PCDHA3: variants seen among roughly 807,000 people sequenced by gnomAD.
PCDHA3 encodes protocadherin alpha 3, also known as protocadherin alpha-3.
PCDHA3 carries 41 observed loss-of-function variants against 62.2 expected under a neutral mutation model. The observed-to-expected ratio is 0.66, with a 90% CI of 0.51 to 0.86. The LOEUF (loss-of-function observed/expected upper bound fraction) is 0.86, where lower values mean the gene tolerates loss of function less well. PCDHA3 is among the 40% of genes least tolerant of loss of function. The pLI is 0.00. For missense variants in PCDHA3, 1,304 were observed against 1,241.2 expected (o/e 1.05, Z -0.76); for synonymous variants, 640 against 555.4 (o/e 1.15, Z -2.14).
At chr5:140,878,352 A>T (rs2057558583) in intron 1 of PCDHA3, among the ~76,000 whole-genome samples, 1 of 152,242 alleles carries the variant, frequency 6.6e-6, no homozygotes, top group African/African-American at 2.4e-5. Flanking sequence ...CAATAATATA[A>T]ATGATATGTC....
At position 141,010,031 on chromosome 5, in the gene PCDHA3, A is replaced by C; in HGVS notation, c.*94A>C. On this transcript the variant is annotated 3_prime_UTR_variant, in exon 4 of 4. Transcript: ENST00000522353. Reference sequence around the variant, plus strand: ...TTCCCTGCTCCTTTTTCCTATCTACATGAGCCCTCTTAGAGACCTCAGAAA... The same window carrying C: ...TTCCCTGCTCCTTTTTCCTATCTACCTGAGCCCTCTTAGAGACCTCAGAAA... 4 of 1,581,690 alleles carry C rather than the reference A, an allele frequency of 2.5e-6. No individual in the cohort carries two copies. Among genetic ancestry groups the C allele is most frequent in the South Asian group, 1.2e-5 (1 of 84,422 alleles).
chr5:140,883,905 G>C (rs781818160), intron 1 of PCDHA3: 1 of 1,613,458 alleles, frequency 6.2e-7, no homozygotes, highest in South Asian at 1.1e-5. Flanking sequence ...CCGCCTCTGG[G>C]CAGCAACGTG....
intron 1 of PCDHA3, chr5:140,883,811 G>C (rs782535066): frequency 6.2e-7 from 1 of 1,612,586 alleles, no homozygotes; most frequent in South Asian, 1.1e-5. Context: ...CGCGGAGAGC[G>C]GCAAGGTGTA....
At position 140,851,264 on chromosome 5, in the gene PCDHA3, A is replaced by G. The variant is rs1170850164; in HGVS notation, c.2394+47673A>G. The G allele has an allele frequency of 2.1e-5, 23 of 1,075,328 alleles. 1 individual carries two copies. The highest frequency in any genetic ancestry group is 4.3e-5 in the East Asian group (1 of 23,212). 66.6% of individuals were successfully genotyped at this position (1,075,328 alleles called of 1,614,324 possible). ...TAAATGATGCATAGTATTTTAGTCT[A>G]CTTGTATTGTTTATAAGAAACCCAA... On this transcript the variant is annotated intron_variant, in intron 1 of 3. Coordinates refer to ENST00000522353, the MANE Select transcript of PCDHA3 (RefSeq NM_018906.3).
chr5:140,876,708 C>T, intron 1 of PCDHA3: 7 of 1,614,220 alleles, frequency 4.3e-6, no homozygotes, highest in African/African-American at 1.3e-5. Context: ...TGGACAGCGC[C>T]CTGGACCGCG....
At chr5:140,899,431 T>C (rs1271468350) in intron 1 of PCDHA3, among the ~76,000 whole-genome samples, 2 of 152,242 alleles carry the variant, frequency 1.3e-5, no homozygotes, top group Non-Finnish European at 2.9e-5. Context: ...AGGTCTTTTC[T>C]GCATCTATTG....
chr5:140,918,901 CTT>C (rs1386679785), intron 1 of PCDHA3, among the ~76,000 whole-genome samples: 6 of 152,198 alleles, frequency 3.9e-5, no homozygotes, highest in African/African-American at 1.4e-4. Flanking sequence ...ATAAATCTCT[CTT>C]GTTTATTAAC....
In PCDHA3 at chr5:140,834,549, C is replaced by G. The variant is rs782435489; in HGVS notation, c.2394+30958C>G. 3 of 1,614,074 alleles carry G rather than the reference C, an allele frequency of 1.9e-6. No individual in the cohort carries two copies. Among genetic ancestry groups the G allele is most frequent in the Non-Finnish European group, 2.5e-6 (3 of 1,180,034 alleles). On this transcript the variant is annotated intron_variant, in intron 1 of 3. Transcript: ENST00000522353. ...CATCGCGCAGGACCTGGGGCTGGAG[C>G]TGGCGGAGCTGGTGCCGCGCCTGTT...
At chr5:140,947,059 A>G (rs1297447274) in intron 1 of PCDHA3, among the ~76,000 whole-genome samples, 2 of 151,742 alleles carry the variant, frequency 1.3e-5, no homozygotes, top group Admixed American at 1.3e-4. Flanking sequence ...ATCATTACAC[A>G]GTGTATATAT....
chr5:140,924,096 T>C (rs1044149112), intron 1 of PCDHA3, among the ~76,000 whole-genome samples: 1 of 152,222 alleles, frequency 6.6e-6, no homozygotes, highest in Non-Finnish European at 1.5e-5. Context: ...AAAGAATAAA[T>C]TTTCATTCCA....
At chr5:140,895,784 T>C (rs2065158516) in intron 1 of PCDHA3, among the ~76,000 whole-genome samples, 1 of 152,166 alleles carries the variant, frequency 6.6e-6, no homozygotes, top group Non-Finnish European at 1.5e-5. Flanking sequence ...TAGTATTCAA[T>C]GACGTATATG....
intron 3 of PCDHA3, among the ~76,000 whole-genome samples, chr5:140,994,064 A>G (rs902624513): frequency 6.6e-6 from 1 of 152,142 alleles, no homozygotes; most frequent in African/African-American, 2.4e-5. Context: ...TATAAATCTA[A>G]TGGTGAAGGG....
chr5:140,841,621 G>C (rs781902727), intron 1 of PCDHA3: 2 of 1,614,032 alleles, frequency 1.2e-6, no homozygotes, highest in African/African-American at 1.3e-5. Context: ...GGCGGAGCGC[G>C]GAGTGCAGCA....
At chr5:141,004,976 A>G (rs1554259837) in intron 3 of PCDHA3, among the ~76,000 whole-genome samples, 1 of 152,248 alleles carries the variant, frequency 6.6e-6, no homozygotes, top group Non-Finnish European at 1.5e-5. Flanking sequence ...GTAAATTTGC[A>G]GTATCATTAT....
chr5:140,877,743 G>C, intron 1 of PCDHA3: 1 of 1,614,148 alleles, frequency 6.2e-7, no homozygotes, highest in Non-Finnish European at 8.5e-7. Flanking sequence ...GGAGGCAGAG[G>C]GTGTGCTCTG....
At chr5:140,977,307 G>C (rs1023836424) in intron 1 of PCDHA3, among the ~76,000 whole-genome samples, 1 of 152,186 alleles carries the variant, frequency 6.6e-6, no homozygotes, top group Admixed American at 6.5e-5. Flanking sequence ...ACAAGCTAAC[G>C]ATAGTGCTCC....
At chr5:140,918,036 C>G (rs1423930397) in intron 1 of PCDHA3, among the ~76,000 whole-genome samples, 1 of 152,036 alleles carries the variant, frequency 6.6e-6, no homozygotes, top group Non-Finnish European at 1.5e-5. Flanking sequence ...CGTGGAAGGT[C>G]TTTCCATTTG....
chr5:140,871,184 A>T, intron 1 of PCDHA3: 1 of 1,613,552 alleles, frequency 6.2e-7, no homozygotes, highest in Non-Finnish European at 8.5e-7. Flanking sequence ...GCGCTGGTGG[A>T]TGTCAACGTG....
chr5:140,947,131 G>A (rs994081159), intron 1 of PCDHA3, among the ~76,000 whole-genome samples: 10 of 151,080 alleles, frequency 6.6e-5, no homozygotes, highest in African/African-American at 2.2e-4. Context: ...AATAAAAATA[G>A]TAAAATGTAT....
Sources: gnomAD v4.1 joint callset for allele counts (sites outside exome capture counted in the v4.1 genomes callset) on GRCh38, gnomAD v4.1.1 for gene constraint, MANE v1.5 for transcripts, NCBI Gene and HGNC (gene_info 2026-07-23, HGNC 2026-07-21) for gene names.